The following CHODL variants were observed in gnomAD, a reference collection of about 807,000 sequenced individuals.
CHODL encodes chondrolectin.
CHODL carries 29 observed loss-of-function variants against 34.5 expected under a neutral mutation model. The ratio of observed to expected loss-of-function variants is 0.84; its 90% CI spans 0.63 to 1.15. The LOEUF is 1.15. CHODL is among the 50% of genes most tolerant of loss of function. The pLI, the probability that CHODL is intolerant of heterozygous loss-of-function variation, is 0.00. For synonymous variants in CHODL, 125 were observed against 116.1 expected (o/e 1.08, Z -0.49); for missense variants, 332 against 332.5 (o/e 1.00, Z 0.01).
chr21:18,100,956 G>C (rs2065205903), intron 2 of CHODL, among the ~76,000 whole-genome samples: 1 of 152,070 alleles, frequency 6.6e-6, no homozygotes, highest in Non-Finnish European at 1.5e-5. Context: ...CAGTAAATTG[G>C]GGGTATCAGA....
chr21:18,130,373 CTCTA>C (rs1291904700), intron 2 of CHODL, among the ~76,000 whole-genome samples: 1 of 152,196 alleles, frequency 6.6e-6, no homozygotes. Flanking sequence ...GTAGAACTGA[CTCTA>C]TCTTCTCTCA....
intron 2 of CHODL, among the ~76,000 whole-genome samples, chr21:18,199,150 T>C (rs1282863021): frequency 6.6e-6 from 1 of 152,092 alleles, no homozygotes; most frequent in Non-Finnish European, 1.5e-5. Context: ...TTAGATATCA[T>C]AGTAACAGAA....
intron 2 of CHODL, among the ~76,000 whole-genome samples, chr21:18,192,293 A>G (rs2073520337): frequency 1.3e-5 from 2 of 152,180 alleles, no homozygotes; most frequent in South Asian, 4.1e-4. Flanking sequence ...CATTCACAGG[A>G]CAGTAATGAA....
intron 2 of CHODL, among the ~76,000 whole-genome samples, chr21:18,152,025 T>C (rs921213513): frequency 1.3e-4 from 19 of 141,536 alleles, no homozygotes; most frequent in African/African-American, 4.9e-4. Flanking sequence ...TGTGTGTGTG[T>C]TTGTGTGTGT....
intron 2 of CHODL, chr21:18,134,470 G>A: frequency 6.6e-6 from 3 of 451,884 alleles, no homozygotes; most frequent in East Asian, 6.6e-5. Flanking sequence ...CCTTCAGACT[G>A]AATACATTGA....
At chr21:18,223,631 A>T (rs561267929) in intron 2 of CHODL, among the ~76,000 whole-genome samples, 28 of 152,292 alleles carry the variant, frequency 1.8e-4, no homozygotes, top group Middle Eastern at 6.8e-3. Context: ...GGTGATTTGC[A>T]GTAGGTGTGT....
rs1168637878 is a variant in CHODL, at chr21:18,171,766, TA to T, written c.-44-84742del. Among the ~76,000 whole-genome samples the T allele has an allele frequency of 8.5e-5, 13 of 152,054 alleles. 1 individual carries two copies. The highest frequency in any genetic ancestry group is 8.5e-4 in the Admixed American group (13 of 15,276). ...TTTTTTTTTCTTTTTTTTGCTCTTG[TA>T]GTTGCTGCTGCTGTTGCTGGTCTGT... On this transcript the variant is annotated intron_variant, in intron 2 of 6. Transcript: ENST00000400127.
chr21:17,985,881 G>A (rs2063749763), intron 1 of CHODL, among the ~76,000 whole-genome samples: 1 of 152,098 alleles, frequency 6.6e-6, no homozygotes, highest in Non-Finnish European at 1.5e-5. Context: ...CCAAGATCAA[G>A]GTACCAGCAG....
At chr21:18,193,079 G>T (rs2073530264) in intron 2 of CHODL, among the ~76,000 whole-genome samples, 1 of 152,066 alleles carries the variant, frequency 6.6e-6, no homozygotes, top group South Asian at 2.1e-4. Flanking sequence ...AGTCAAATGT[G>T]AACTAAATAA....
chr21:18,120,083 G>C (rs2065461614), intron 2 of CHODL, among the ~76,000 whole-genome samples: 1 of 152,066 alleles, frequency 6.6e-6, no homozygotes, highest in Non-Finnish European at 1.5e-5. Context: ...AGTAGCTCTT[G>C]ATTAGTCCCC....
intron 2 of CHODL, among the ~76,000 whole-genome samples, chr21:18,038,053 A>G (rs1480084740): frequency 6.6e-6 from 1 of 151,712 alleles, no homozygotes; most frequent in African/African-American, 2.4e-5. Flanking sequence ...ATTTTTTTTA[A>G]TCAGAAAAAC....
chr21:17,922,770 G>T (rs1466395616), intron 1 of CHODL, among the ~76,000 whole-genome samples: 1 of 152,152 alleles, frequency 6.6e-6, no homozygotes, highest in East Asian at 1.9e-4. Flanking sequence ...TGCGAACTCT[G>T]AATATCTGAG....
intron 1 of CHODL, among the ~76,000 whole-genome samples, chr21:17,970,456 G>A (rs1284224707): frequency 2.6e-5 from 4 of 152,136 alleles, no homozygotes; most frequent in African/African-American, 4.8e-5. Flanking sequence ...CATGAATGAT[G>A]TATGGAATAA....
intron 2 of CHODL, among the ~76,000 whole-genome samples, chr21:18,174,163 A>ACTTGGT (rs2073277574): frequency 1.0e-5 from 1 of 96,458 alleles, no homozygotes; most frequent in Non-Finnish European, 2.5e-5. Flanking sequence ...ATATATATAA[A>ACTTGGT]ATCAAGTCTC....
intron 2 of CHODL, among the ~76,000 whole-genome samples, chr21:18,113,790 G>C (rs1284975443): frequency 6.6e-6 from 1 of 152,180 alleles, no homozygotes; most frequent in Non-Finnish European, 1.5e-5. Context: ...CCACTGCAGA[G>C]TATATACTCA....
intron 2 of CHODL, among the ~76,000 whole-genome samples, chr21:18,036,121 T>C (rs1357706323): frequency 6.6e-6 from 1 of 152,032 alleles, no homozygotes; most frequent in Non-Finnish European, 1.5e-5. Context: ...TTGAGCTTTG[T>C]TAGGTGAGAT....
chr21:17,996,209 A>T (rs2063848140), intron 1 of CHODL, among the ~76,000 whole-genome samples: 1 of 152,158 alleles, frequency 6.6e-6, no homozygotes, highest in African/African-American at 2.4e-5. Flanking sequence ...TTTTGATAAG[A>T]TCAAATACCT....
chr21:18,077,120 T>TC (rs2064876155), intron 2 of CHODL, among the ~76,000 whole-genome samples: 1 of 152,174 alleles, frequency 6.6e-6, no homozygotes, highest in Non-Finnish European at 1.5e-5. Flanking sequence ...GGTAGAGCAT[T>TC]AAGTCAAAGA....
At chr21:18,016,565 C>T (rs536420087) in intron 1 of CHODL, among the ~76,000 whole-genome samples, 1 of 152,016 alleles carries the variant, frequency 6.6e-6, no homozygotes, top group African/African-American at 2.4e-5. Context: ...GGGGTAGAGC[C>T]CTCATGGAGG....
Sources: gnomAD v4.1 joint callset for allele counts (sites outside exome capture counted in the v4.1 genomes callset) on GRCh38, gnomAD v4.1.1 for gene constraint, MANE v1.5 for transcripts, NCBI Gene and HGNC (gene_info 2026-07-23, HGNC 2026-07-21) for gene names.